GLIS3: variants seen among roughly 807,000 people sequenced by gnomAD.
GLIS3 encodes the protein GLIS family zinc finger 3.
GLIS3 carries 53 observed loss-of-function variants against 78.6 expected under a neutral mutation model. The observed-to-expected ratio is 0.67, with a 90% CI of 0.54 to 0.85. The LOEUF (loss-of-function observed/expected upper bound fraction) is 0.85. GLIS3 is among the 40% of genes least tolerant of loss of function. The probability of loss-of-function intolerance (pLI) is 0.00; values close to 1 mark genes in which losing one functional copy is unlikely to be tolerated. For synonymous variants in GLIS3, 684 were observed against 509.9 expected (o/e 1.34, Z -4.60); for missense variants, 1,703 against 1,231.1 (o/e 1.38, Z -5.74).
chr9:4,370,158 T>C, the GLIS3 span, among the ~76,000 whole-genome samples: 2 of 120,400 alleles, frequency 1.7e-5, no homozygotes, highest in Non-Finnish European at 3.1e-5. Flanking sequence ...CACTCCAGCC[T>C]AGGCGACAGA....
In GLIS3 at chr9:4,101,055, G is replaced by C. The variant is rs143787823; in HGVS notation, c.1710+16713C>G. 4.4e-3 allele frequency among the ~76,000 whole-genome samples: 664 copies of C among 152,288 alleles called. 7 individuals carry two copies. Among genetic ancestry groups the C allele is most frequent in the African/African-American group, 0.015 (637 of 41,564 alleles). On this transcript the variant is annotated intron_variant, in intron 4 of 10. Transcript: ENST00000381971. The stretch of plus-strand genomic sequence containing the variant: ...GAAACATAAATCACAGCATCTTCAC[G>C]GAAGGCTGCGGTGGAACAGAAAAAA...
chr9:4,224,857 A>C (rs945102202), intron 2 of GLIS3, among the ~76,000 whole-genome samples: 2 of 151,996 alleles, frequency 1.3e-5, no homozygotes, highest in African/African-American at 4.8e-5. Flanking sequence ...TGCACTTTTC[A>C]AACACTGTCA....
At chr9:4,335,552 G>A (rs1468982142) in intron 2 of GLIS3, among the ~76,000 whole-genome samples, 2 of 152,162 alleles carry the variant, frequency 1.3e-5, no homozygotes, top group Non-Finnish European at 2.9e-5. Flanking sequence ...GAATTCAGTG[G>A]TTCTGGTGTC....
intron 2 of GLIS3, among the ~76,000 whole-genome samples, chr9:4,336,216 A>T (rs1042903633): frequency 2.0e-5 from 3 of 152,222 alleles, no homozygotes; most frequent in Non-Finnish European, 4.4e-5. Flanking sequence ...AAAGCATCTC[A>T]TGTGGATTCA....
At chr9:4,323,940 A>G (rs761973935) in intron 2 of GLIS3, among the ~76,000 whole-genome samples, 2 of 152,358 alleles carry the variant, frequency 1.3e-5, no homozygotes, top group East Asian at 1.9e-4. Context: ...TGACTTTGTT[A>G]TATTTTTAGC....
chr9:4,430,431 G>C, the GLIS3 span, among the ~76,000 whole-genome samples: 1 of 152,232 alleles, frequency 6.6e-6, no homozygotes, highest in Non-Finnish European at 1.5e-5. Context: ...GATCAGCAGA[G>C]AAGCTGCACT....
At chr9:4,240,208 T>G (rs1587105436) in intron 2 of GLIS3, among the ~76,000 whole-genome samples, 1 of 135,694 alleles carries the variant, frequency 7.4e-6, no homozygotes, top group African/African-American at 2.8e-5. Context: ...GGGGGGGGGA[T>G]GGTTTCGGGA....
At chr9:3,911,244 C>G (rs1168661694) in intron 6 of GLIS3, among the ~76,000 whole-genome samples, 1 of 152,184 alleles carries the variant, frequency 6.6e-6, no homozygotes, top group African/African-American at 2.4e-5. Context: ...CCTGCTCTCA[C>G]AGAGTTTACA....
At chr9:4,395,613 C>T in the GLIS3 span, among the ~76,000 whole-genome samples, 1 of 152,150 alleles carries the variant, frequency 6.6e-6, no homozygotes, top group Admixed American at 6.5e-5. Flanking sequence ...GTACAAACCC[C>T]TAGTTGAGGC....
At chr9:4,284,819 G>A (rs1224095249) in intron 2 of GLIS3, among the ~76,000 whole-genome samples, 2 of 152,084 alleles carry the variant, frequency 1.3e-5, no homozygotes, top group African/African-American at 4.8e-5. Flanking sequence ...TTGGGGGACT[G>A]AAGCAGGAGG....
intron 4 of GLIS3, among the ~76,000 whole-genome samples, chr9:4,104,432 G>A (rs1298713471): frequency 2.6e-5 from 4 of 152,134 alleles, no homozygotes; most frequent in African/African-American, 9.7e-5. Flanking sequence ...ATATTAAGTA[G>A]AAAGACCAGA....
At chr9:4,317,729 G>C (rs1470491521) in intron 2 of GLIS3, among the ~76,000 whole-genome samples, 1 of 152,152 alleles carries the variant, frequency 6.6e-6, no homozygotes, top group Admixed American at 6.5e-5. Context: ...CATTATTCAA[G>C]TTCCTACTAT....
At chr9:3,838,362 C>G (rs1818491184) in intron 9 of GLIS3, among the ~76,000 whole-genome samples, 1 of 152,148 alleles carries the variant, frequency 6.6e-6, no homozygotes, top group Non-Finnish European at 1.5e-5. Context: ...GTCCTCAGCT[C>G]TCTGTGGGAC....
chr9:4,462,963 T>A, the GLIS3 span, among the ~76,000 whole-genome samples: 1 of 152,344 alleles, frequency 6.6e-6, no homozygotes, highest in East Asian at 1.9e-4. Context: ...GAACACTTTA[T>A]GTAAAATTTA....
At chr9:4,423,113 G>A in the GLIS3 span, among the ~76,000 whole-genome samples, 1 of 151,946 alleles carries the variant, frequency 6.6e-6, no homozygotes, top group Non-Finnish European at 1.5e-5. Context: ...AAGGTCAGGG[G>A]ACCCTCCCTA....
intron 2 of GLIS3, among the ~76,000 whole-genome samples, chr9:4,279,735 A>C (rs1035105278): frequency 2.1e-4 from 32 of 152,058 alleles, no homozygotes; most frequent in Admixed American, 1.3e-4. Flanking sequence ...CCACTGCCAC[A>C]TCATTAATTT....
intron 6 of GLIS3, among the ~76,000 whole-genome samples, chr9:3,909,884 A>C (rs376281514): frequency 1.3e-5 from 2 of 152,216 alleles, no homozygotes; most frequent in African/African-American, 4.8e-5. Context: ...TGTGTGACTA[A>C]TGAGCATTTG....
chr9:3,940,766 G>A (rs935546094), intron 4 of GLIS3, among the ~76,000 whole-genome samples: 13 of 152,176 alleles, frequency 8.5e-5, no homozygotes, highest in Non-Finnish European at 1.5e-4. Context: ...GGCGTGGTGT[G>A]CAATGAGCAT....
chr9:4,446,676 ATT>A, the GLIS3 span, among the ~76,000 whole-genome samples: 264 of 139,566 alleles, frequency 1.9e-3, 1 homozygote, highest in Middle Eastern at 0.022. Context: ...TGCCCGGCTA[ATT>A]TTTTTTTTTT....
Sources: allele counts gnomAD v4.1 joint callset (sites outside exome capture counted in the v4.1 genomes callset), GRCh38; gene constraint gnomAD v4.1.1; transcripts MANE v1.5; gene names NCBI Gene and HGNC (gene_info 2026-07-23, HGNC 2026-07-21).